Variants in MRTFA observed in about 807,000 individuals in gnomAD.
MRTFA encodes myocardin-related transcription factor A.
Under a neutral mutation model 83.5 loss-of-function variants are expected in MRTFA, and 20 were observed. The ratio of observed to expected loss-of-function variants is 0.24; its 90% confidence interval spans 0.17 to 0.35. MRTFA has a LOEUF of 0.35. Among genes scored for constraint, MRTFA ranks in the 10% least tolerant of loss-of-function variants. The pLI is 1.00. For synonymous variants in MRTFA, 659 were observed against 541.2 expected (o/e 1.22, Z -3.02); for missense variants, 1,200 against 1,224.7 (o/e 0.98, Z 0.30).
intron 3 of MRTFA, among the ~76,000 whole-genome samples, chr22:40,495,750 T>C (rs1602335354): frequency 7.6e-5 from 8 of 104,842 alleles, no homozygotes; most frequent in African/African-American, 1.9e-4. Context: ...AGAGCGAGAC[T>C]CCATCTCAAA....
chr22:40,492,342 G>C (rs1030035810), intron 3 of MRTFA, among the ~76,000 whole-genome samples: 1 of 151,908 alleles, frequency 6.6e-6, no homozygotes, highest in Non-Finnish European at 1.5e-5. Context: ...CAGAAGGTCA[G>C]AATCAGTAAC....
intron 2 of MRTFA, 147 bp from the exon 3 acceptor site, chr22:40,552,514 AG>A (rs1396349254): frequency 2.6e-6 from 1 of 379,062 alleles, no homozygotes; most frequent in Non-Finnish European, 4.7e-6. Context: ...ACTGAATCAC[AG>A]GGGTGGTTAC....
At chr22:40,635,169 A>G (rs767122699) in intron 1 of MRTFA, among the ~76,000 whole-genome samples, 7 of 152,242 alleles carry the variant, frequency 4.6e-5, no homozygotes, top group Non-Finnish European at 7.3e-5. Flanking sequence ...ACTTAGTTTA[A>G]TAACTTCCAG....
chr22:40,451,084 C>T (rs1050067123), intron 4 of MRTFA, among the ~76,000 whole-genome samples: 1 of 152,204 alleles, frequency 6.6e-6, no homozygotes, highest in Admixed American at 6.5e-5. Context: ...AGGGCTGTTA[C>T]TGATGTAGCT....
chr22:40,439,911 G>T, intron 4 of MRTFA: 1 of 154,954 alleles, frequency 6.5e-6, no homozygotes, highest in Admixed American at 6.5e-5. Flanking sequence ...CAGCACTCTG[G>T]GAGGCTCAGG....
chr22:40,518,703 G>A (rs1175556258), intron 3 of MRTFA, among the ~76,000 whole-genome samples: 1 of 148,484 alleles, frequency 6.7e-6, no homozygotes, highest in Non-Finnish European at 1.5e-5. Flanking sequence ...GCTGAGGAAG[G>A]AGAATGGCGT....
At chr22:40,475,126 A>G (rs1171372176) in intron 3 of MRTFA, among the ~76,000 whole-genome samples, 1 of 152,106 alleles carries the variant, frequency 6.6e-6, no homozygotes, top group Non-Finnish European at 1.5e-5. Flanking sequence ...GGTGTGAGCC[A>G]CTGCGCCCAG....
At chr22:40,631,486 A>C (rs1169015736) in intron 1 of MRTFA, among the ~76,000 whole-genome samples, 6 of 152,196 alleles carry the variant, frequency 3.9e-5, no homozygotes, top group Non-Finnish European at 7.3e-5. Flanking sequence ...TCATAGTCAC[A>C]CAGTCCAAGT....
At chr22:40,438,099 T>TAGAC (rs1227450780) in intron 4 of MRTFA, among the ~76,000 whole-genome samples, 1 of 152,182 alleles carries the variant, frequency 6.6e-6, no homozygotes, top group Non-Finnish European at 1.5e-5. Context: ...AAGTTCTGGA[T>TAGAC]AGACAGTCAA....
chr22:40,502,930 C>A (rs896972804), intron 3 of MRTFA, among the ~76,000 whole-genome samples: 1 of 152,070 alleles, frequency 6.6e-6, no homozygotes, highest in African/African-American at 2.4e-5. Flanking sequence ...GATCTTTTTT[C>A]CTTCCTAGTG....
intron 4 of MRTFA, among the ~76,000 whole-genome samples, chr22:40,457,226 G>A (rs767138316): frequency 2.6e-5 from 4 of 151,958 alleles, no homozygotes; most frequent in African/African-American, 9.7e-5. Context: ...TTAGCTGGGC[G>A]TGGTGGCCGG....
At chr22:40,513,320 GCCTGGCACGGTGGCTCACGCCTGTAAT>G (rs1204306139) in intron 3 of MRTFA, among the ~76,000 whole-genome samples, 3 of 152,196 alleles carry the variant, frequency 2.0e-5, no homozygotes, top group Non-Finnish European at 4.4e-5. Context: ...CTTCTTGCAG[GCCTGGCACGGTGGCTCACGCCTGTAAT>G]CCCACCACTT....
chr22:40,459,809 ACACAC>A, intron 4 of MRTFA, among the ~76,000 whole-genome samples: 1 of 117,858 alleles, frequency 8.5e-6, no homozygotes, highest in Non-Finnish European at 1.7e-5. Flanking sequence ...ACACACACAC[ACACAC>A]ACACACACAT....
At chr22:40,544,921 T>C (rs2055339822) in intron 3 of MRTFA, among the ~76,000 whole-genome samples, 1 of 150,822 alleles carries the variant, frequency 6.6e-6, no homozygotes. Context: ...CATGACACTG[T>C]CTTGAAAAAT....
intron 8 of MRTFA, among the ~76,000 whole-genome samples, chr22:40,423,889 G>GAACTGAATATA (rs1350157751): frequency 6.6e-6 from 1 of 152,132 alleles, no homozygotes; most frequent in Non-Finnish European, 1.5e-5. Flanking sequence ...AAAGGTCACA[G>GAACTGAATATA]AACTGAATAT....
At chr22:40,492,633 G>A (rs1030396840) in intron 3 of MRTFA, among the ~76,000 whole-genome samples, 1 of 152,014 alleles carries the variant, frequency 6.6e-6, no homozygotes, top group African/African-American at 2.4e-5. Context: ...CTCCCTTCTT[G>A]TACAAAGCCT....
chr22:40,434,966 T>A (rs1313645335), intron 5 of MRTFA, among the ~76,000 whole-genome samples: 1 of 152,052 alleles, frequency 6.6e-6, no homozygotes, highest in East Asian at 1.9e-4. Context: ...GGCAGAAAAC[T>A]TGGGCTTGGA....
chr22:40,431,559 T>C, intron 5 of MRTFA, 79 bp from the exon 6 acceptor site: 1 of 1,368,160 alleles, frequency 7.3e-7, no homozygotes, highest in Admixed American at 1.7e-5. Context: ...ACAGCAGCCT[T>C]GGCCATGGTA....
intron 3 of MRTFA, among the ~76,000 whole-genome samples, chr22:40,497,108 A>G (rs2054368338): frequency 6.6e-6 from 1 of 152,210 alleles, no homozygotes; most frequent in Non-Finnish European, 1.5e-5. Context: ...CAAGAAACGG[A>G]GACAGCCTTG....
Sources: allele counts gnomAD v4.1 joint callset (sites outside exome capture counted in the v4.1 genomes callset), GRCh38; gene constraint gnomAD v4.1.1; transcripts MANE v1.5; gene names NCBI Gene and HGNC (gene_info 2026-07-23, HGNC 2026-07-21).